Variants in FAM13B observed in about 807,000 individuals in gnomAD.
FAM13B encodes the protein protein FAM13B.
Under a neutral mutation model 117.3 loss-of-function variants are expected in FAM13B, and 60 were observed. The ratio of observed to expected loss-of-function variants is 0.51; its 90% CI spans 0.42 to 0.63. FAM13B has a LOEUF of 0.63. FAM13B is among the 30% of genes least tolerant of loss of function. FAM13B has a pLI of 0.00. For synonymous variants in FAM13B, 332 were observed against 356.1 expected (o/e 0.93, Z 0.76); for missense variants, 972 against 1,091.9 (o/e 0.89, Z 1.55).
At chr5:138,024,864 TG>T (rs1581283514) in intron 1 of FAM13B, among the ~76,000 whole-genome samples, 2 of 143,800 alleles carry the variant, frequency 1.4e-5, no homozygotes, top group East Asian at 2.1e-4. Flanking sequence ...TTTTTGAGTT[TG>T]TTTTTTTTGT....
At chr5:138,015,303 C>T (rs1194101635) in intron 4 of FAM13B, among the ~76,000 whole-genome samples, 1 of 152,200 alleles carries the variant, frequency 6.6e-6, no homozygotes, top group East Asian at 1.9e-4. Flanking sequence ...AAAAATGAAA[C>T]CACTTTTTAA....
chr5:138,012,021 C>T (rs1784144790), intron 4 of FAM13B, 76 bp from the exon 5 acceptor site: 2 of 986,858 alleles, frequency 2.0e-6, no homozygotes, highest in Non-Finnish European at 3.0e-6. Context: ...GTTCACATTA[C>T]TCCACCCACA....
rs1353818757 is a variant in FAM13B at position 137,954,342 on chromosome 5, G to A, written c.1542C>T (p.Asp514=). ...ACAGCTGAGCTTCTCCAGACTCAGAGTCCTCCTGCCAAGACTTAAAAGCAG... is the reference window on the plus strand; with the variant it reads ...ACAGCTGAGCTTCTCCAGACTCAGAATCCTCCTGCCAAGACTTAAAAGCAG... ...PFPAFKSWQE[D]SESGEAQLSP... Residue 514 remains aspartate (D), a synonymous_variant, in exon 15 of 24, where the codon GAC becomes GAT. Coordinates refer to ENST00000689681, the MANE Select transcript of FAM13B (RefSeq NM_001385994.1). The A allele has an allele frequency of 2.5e-6, 4 of 1,613,794 alleles. No homozygotes were observed. The highest frequency in any genetic ancestry group is 2.5e-6 in the Non-Finnish European group (3 of 1,179,966).
At chr5:138,012,030 C>T (rs1437184953) in intron 4 of FAM13B, 85 bp from the exon 5 acceptor site, 2 of 883,262 alleles carry the variant, frequency 2.3e-6, no homozygotes, top group Non-Finnish European at 3.4e-6. Context: ...ACTCCACCCA[C>T]ATCACCTTTT....
chr5:137,943,295 C>G, intron 20 of FAM13B, 79 bp from the exon 21 acceptor site: 1 of 1,094,746 alleles, frequency 9.1e-7, no homozygotes, highest in Non-Finnish European at 1.3e-6. Flanking sequence ...CATTATGTTA[C>G]GAATCTTCAA....
chr5:138,037,998 C>T (rs914809094), upstream of FAM13B, among the ~76,000 whole-genome samples: 6 of 152,168 alleles, frequency 3.9e-5, no homozygotes, highest in Non-Finnish European at 8.8e-5. Flanking sequence ...AATTGGTATG[C>T]ATAAAAGTGC....
At chr5:138,024,256 G>A (rs1787563288) in intron 1 of FAM13B, among the ~76,000 whole-genome samples, 2 of 151,908 alleles carry the variant, frequency 1.3e-5, no homozygotes, top group East Asian at 1.9e-4. Context: ...TTTAGGGCAG[G>A]CCCTAAATCC....
In FAM13B at chr5:137,962,478, AAG is replaced by A. The variant is rs1439770273; in HGVS notation, c.1180-11_1180-10del. ...AACAATATACCTACAGACTGACAAA[AAG>A]AACACTACCATGTATTAATGGAGCT... On this transcript the variant is annotated splice_polypyrimidine_tract_variant and intron_variant, in intron 10 of 23. Transcript: ENST00000689681. 6.2e-7 allele frequency: 1 copy of A among 1,612,312 alleles called. No homozygotes were observed. Among genetic ancestry groups the A allele is most frequent in the East Asian group, 2.2e-5 (1 of 44,832 alleles).
intron 7 of FAM13B, among the ~76,000 whole-genome samples, chr5:138,003,732 G>A (rs1181776944): frequency 2.0e-5 from 3 of 152,092 alleles, no homozygotes; most frequent in African/African-American, 7.2e-5. Flanking sequence ...ACCCTCTCCC[G>A]ACCACCCCAC....
upstream of FAM13B, among the ~76,000 whole-genome samples, chr5:138,035,009 T>TTTTTTTTTTTTTTTTTTTTTA: frequency 9.6e-6 from 1 of 103,784 alleles, no homozygotes; most frequent in Non-Finnish European, 2.1e-5. Context: ...TTTTTTTTTT[T>TTTTTTTTTTTTTTTTTTTTTA]TTTTTTTTTT....
chr5:137,999,104 CTT>C (rs397962950), intron 7 of FAM13B, among the ~76,000 whole-genome samples: 8 of 139,740 alleles, frequency 5.7e-5, no homozygotes, highest in African/African-American at 7.9e-5. Context: ...CCTTCAGGGT[CTT>C]TTTTTTTTTT....
At chr5:137,997,570 G>C (rs1304215295) in intron 7 of FAM13B, among the ~76,000 whole-genome samples, 1 of 151,890 alleles carries the variant, frequency 6.6e-6, no homozygotes, top group African/African-American at 2.4e-5. Context: ...TGGACTTCAT[G>C]GATAAGAACC....
intron 9 of FAM13B, 70 bp downstream of exon 9, chr5:137,987,390 TA>T: frequency 7.6e-7 from 1 of 1,312,390 alleles, no homozygotes; most frequent in Non-Finnish European, 1.0e-6. Context: ...TCCTGTTATT[TA>T]AGTAGCAATA....
intron 1 of FAM13B, among the ~76,000 whole-genome samples, chr5:138,047,342 TAA>T (rs879673531): frequency 2.2e-5 from 3 of 137,240 alleles, no homozygotes; most frequent in Non-Finnish European, 3.2e-5. Flanking sequence ...CCACCTCTAC[TAA>T]AAAAAAAAAA....
Position 137,941,971 on chromosome 5 carries a change from T to A in FAM13B, c.2663A>T (p.Glu888Val). Residue 888 changes from glutamate to valine, a missense_variant, in exon 23 of 24, where the codon GAA becomes GTA. Transcript: ENST00000689681. ...KKLRKTLREFEEAFYQQNGRN... is the reference protein window; with the variant it reads ...KKLRKTLREFVEAFYQQNGRN... Reference sequence around the variant, plus strand: ...TCCATTTTGTTGATAAAATGCTTCTTCAAATTCCCGCAACGTTTTGCGTAG... The same window carrying A: ...TCCATTTTGTTGATAAAATGCTTCTACAAATTCCCGCAACGTTTTGCGTAG... 6.2e-7 allele frequency: 1 copy of A among 1,614,106 alleles called. No homozygotes were observed. Among genetic ancestry groups the A allele is most frequent in the Non-Finnish European group, 8.5e-7 (1 of 1,180,006 alleles).
intron 1 of FAM13B, among the ~76,000 whole-genome samples, chr5:138,040,288 G>T (rs1791449681): frequency 1.8e-5 from 2 of 114,044 alleles, no homozygotes; most frequent in South Asian, 3.0e-4. Flanking sequence ...AAAAAAAAAA[G>T]GCCGGGCACG....
chr5:137,982,371 A>G (rs1776006451), intron 10 of FAM13B, among the ~76,000 whole-genome samples: 1 of 152,090 alleles, frequency 6.6e-6, no homozygotes, highest in Non-Finnish European at 1.5e-5. Context: ...TGGCCAACAT[A>G]GTGAAACTCT....
intron 10 of FAM13B, among the ~76,000 whole-genome samples, chr5:137,977,969 T>C (rs1380339562): frequency 6.6e-6 from 1 of 152,238 alleles, no homozygotes; most frequent in African/African-American, 2.4e-5. Context: ...ACTTGGCCTT[T>C]TGACTATGTG....
chr5:137,996,932 C>T (rs920407108), intron 7 of FAM13B, among the ~76,000 whole-genome samples: 20 of 152,168 alleles, frequency 1.3e-4, no homozygotes, highest in African/African-American at 4.8e-4. Flanking sequence ...AGGAAGGCAT[C>T]AGAAGCACAA....
Sources: gnomAD v4.1 joint callset for allele counts (sites outside exome capture counted in the v4.1 genomes callset) on GRCh38, gnomAD v4.1.1 for gene constraint, MANE v1.5 for transcripts, NCBI Gene and HGNC (gene_info 2026-07-23, HGNC 2026-07-21) for gene names.